Variants in MACROD2 observed in about 807,000 individuals in gnomAD.
The protein encoded by MACROD2 is ADP-ribose glycohydrolase MACROD2.
A neutral mutation model predicts 70.4 loss-of-function variants in MACROD2; 36 were observed. That is an observed-to-expected ratio of 0.51 (90% CI 0.39 to 0.68). MACROD2 has a LOEUF of 0.68. MACROD2 is among the 30% of genes least tolerant of loss of function. The pLI, the probability that MACROD2 is intolerant of heterozygous loss-of-function variation, is 0.00. For missense variants in MACROD2, 496 were observed against 538.4 expected (o/e 0.92, Z 0.78); for synonymous variants, 172 against 178.8 (o/e 0.96, Z 0.30).
At chr20:14,830,375 T>A (rs16995050) in intron 5 of MACROD2, among the ~76,000 whole-genome samples, 1,781 of 152,236 alleles carry the variant, frequency 0.012, 43 homozygotes, top group African/African-American at 0.04. Context: ...GGCAAGTTTC[T>A]TAGTGATGGC....
chr20:14,384,059 T>C (rs569355092), intron 3 of MACROD2, among the ~76,000 whole-genome samples: 1 of 152,276 alleles, frequency 6.6e-6, no homozygotes, highest in South Asian at 2.1e-4. Flanking sequence ...AGTTTTCATA[T>C]GCTTCTTGTA....
intron 5 of MACROD2, among the ~76,000 whole-genome samples, chr20:14,696,565 C>T (rs558135890): frequency 1.3e-5 from 2 of 152,160 alleles, no homozygotes; most frequent in South Asian, 2.1e-4. Context: ...TTTTTAATCA[C>T]GTGCTATTTG....
chr20:15,894,526 A>G (rs1325368221), intron 10 of MACROD2, among the ~76,000 whole-genome samples: 1 of 152,200 alleles, frequency 6.6e-6, no homozygotes, highest in Non-Finnish European at 1.5e-5. Flanking sequence ...GGTGGGTCTG[A>G]GAGAGACACA....
chr20:14,203,760 G>A (rs1362265267), intron 3 of MACROD2, among the ~76,000 whole-genome samples: 1 of 152,218 alleles, frequency 6.6e-6, no homozygotes, highest in African/African-American at 2.4e-5. Context: ...TGGTCCTTAG[G>A]CACCCATGGT....
intron 7 of MACROD2, among the ~76,000 whole-genome samples, chr20:15,447,533 C>A (rs2046585236): frequency 6.6e-6 from 1 of 152,148 alleles, no homozygotes; most frequent in Non-Finnish European, 1.5e-5. Context: ...GGCTCTCCAG[C>A]CCCAGGGCTG....
intron 6 of MACROD2, among the ~76,000 whole-genome samples, chr20:15,265,079 G>A (rs1379153456): frequency 6.6e-6 from 1 of 152,162 alleles, no homozygotes; most frequent in African/African-American, 2.4e-5. Flanking sequence ...CAGTATGGCA[G>A]CACCTGGAGA....
intron 8 of MACROD2, among the ~76,000 whole-genome samples, chr20:15,702,988 A>G (rs1159664611): frequency 6.6e-6 from 1 of 152,206 alleles, no homozygotes; most frequent in Non-Finnish European, 1.5e-5. Flanking sequence ...AAAGCCACAC[A>G]CCTGCAATTA....
chr20:14,333,008 C>A (rs1045132548), intron 3 of MACROD2, among the ~76,000 whole-genome samples: 1 of 151,976 alleles, frequency 6.6e-6, no homozygotes, highest in Non-Finnish European at 1.5e-5. Context: ...TTCTAAGCAG[C>A]CTGTCTGGTA....
intron 5 of MACROD2, among the ~76,000 whole-genome samples, chr20:15,116,059 G>T (rs6074843): frequency 0.55 from 83,933 of 151,998 alleles, 24,308 homozygotes; most frequent in East Asian, 0.86. Flanking sequence ...AAAATTTTTT[G>T]ACTCACTTCT....
chr20:14,964,737 G>C (rs1379477913), intron 5 of MACROD2, among the ~76,000 whole-genome samples: 2 of 152,062 alleles, frequency 1.3e-5, no homozygotes, highest in African/African-American at 4.8e-5. Context: ...TTTAACTTGT[G>C]AACCCAAGCA....
chr20:15,817,513 G>C, intron 8 of MACROD2, among the ~76,000 whole-genome samples: 1 of 152,236 alleles, frequency 6.6e-6, no homozygotes, highest in East Asian at 1.9e-4. Context: ...TATCTAATGA[G>C]TTCATACCAA....
intron 3 of MACROD2, among the ~76,000 whole-genome samples, chr20:14,380,118 T>C (rs1388456601): frequency 6.6e-6 from 1 of 152,134 alleles, no homozygotes; most frequent in Non-Finnish European, 1.5e-5. Flanking sequence ...CCAACACTTT[T>C]CTTCTGTTTT....
intron 5 of MACROD2, among the ~76,000 whole-genome samples, chr20:14,854,494 T>G (rs2073232319): frequency 6.6e-6 from 1 of 152,162 alleles, no homozygotes; most frequent in African/African-American, 2.4e-5. Context: ...GTGAGCTGTC[T>G]ACTTTGATTC....
chr20:14,367,002 G>A (rs751950746), intron 3 of MACROD2, among the ~76,000 whole-genome samples: 5 of 151,950 alleles, frequency 3.3e-5, no homozygotes, highest in African/African-American at 4.8e-5. Context: ...GCCATATTTT[G>A]TGTTTAACTT....
At chr20:15,223,501 G>T (rs938811028) in intron 5 of MACROD2, among the ~76,000 whole-genome samples, 2 of 151,960 alleles carry the variant, frequency 1.3e-5, no homozygotes, top group African/African-American at 4.8e-5. Flanking sequence ...TTCTATCTAG[G>T]GGCTACAATT....
chr20:14,119,301 G>A (rs1166964552), intron 3 of MACROD2, among the ~76,000 whole-genome samples: 1 of 150,650 alleles, frequency 6.6e-6, no homozygotes, highest in African/African-American at 2.4e-5. Context: ...CCAAGTAGCT[G>A]GGATTACCGG....
rs187265694 is a variant in MACROD2, at chr20:14,734,907, A to G, written c.418+49948A>G. On this transcript the variant is annotated intron_variant, in intron 5 of 17. Transcript: ENST00000684519. ...TGGACAAAGAATAATATCTTCAACA[A>G]ATAGTACTGGGATGACTGAATATTC... Among the ~76,000 whole-genome samples the G allele has an allele frequency of 1.6e-3, 248 of 152,290 alleles. 1 individual carries two copies. Among genetic ancestry groups the G allele is most frequent in the Non-Finnish European group, 3.0e-3 (206 of 68,024 alleles).
At chr20:14,213,361 CAAA>C (rs60009822) in intron 3 of MACROD2, among the ~76,000 whole-genome samples, 3 of 30,256 alleles carry the variant, frequency 9.9e-5, no homozygotes, top group African/African-American at 1.4e-4. Context: ...CTTCTAGTGG[CAAA>C]AAAAAAAAAA....
At chr20:15,744,389 G>A (rs918944052) in intron 8 of MACROD2, among the ~76,000 whole-genome samples, 13 of 152,140 alleles carry the variant, frequency 8.5e-5, no homozygotes, top group African/African-American at 3.1e-4. Flanking sequence ...TAGTTAAGTT[G>A]CCTAGTCTAG....
Sources: gnomAD v4.1 joint callset for allele counts (sites outside exome capture counted in the v4.1 genomes callset) on GRCh38, gnomAD v4.1.1 for gene constraint, MANE v1.5 for transcripts, NCBI Gene and HGNC (gene_info 2026-07-23, HGNC 2026-07-21) for gene names.